The following PKIB variants were observed in gnomAD, a reference collection of about 807,000 sequenced individuals.
The protein encoded by PKIB is PKI-beta.
Under a neutral mutation model 4.5 loss-of-function variants are expected in PKIB, and 2 were observed. That is an observed-to-expected ratio of 0.44 (90% CI 0.18 to 1.39). PKIB has a LOEUF of 1.39. Among genes scored for constraint, PKIB ranks in the 40% most tolerant of loss-of-function variants. The probability of loss-of-function intolerance (pLI) is 0.27; values close to 1 mark genes in which losing one functional copy is unlikely to be tolerated. For synonymous variants in PKIB, 38 were observed against 36.0 expected (o/e 1.06, Z -0.20); for missense variants, 94 against 92.6 (o/e 1.02, Z -0.06).
chr6:122,703,789 T>C lies in PKIB; in HGVS notation c.-8-13998T>C, dbSNP rs1029180316. On this transcript the variant is annotated intron_variant, in intron 3 of 4. Coordinates refer to ENST00000368452, the MANE Select transcript of PKIB (RefSeq NM_181795.3). ...ATATATACATACACACACATATATA[T>C]ACATATATGTATATATGTATATATG... Among the ~76,000 whole-genome samples the C allele has an allele frequency of 2.0e-5, 3 of 150,448 alleles. No individual in the cohort carries two copies. In the Admixed American group the frequency reaches 2.0e-4, roughly 10 times the overall value.
chr6:122,481,667 T>C (rs1361513903), intron 2 of PKIB: 1 of 151,820 alleles, frequency 6.6e-6, no homozygotes, highest in East Asian at 1.9e-4. Flanking sequence ...ACAGTATGTA[T>C]GTGTGTGTGT....
intron 2 of PKIB, chr6:122,585,495 G>A (rs1011727855): frequency 6.6e-6 from 1 of 152,086 alleles, no homozygotes; most frequent in African/African-American, 2.4e-5. Flanking sequence ...TGGAATAGAG[G>A]TCTCACAAGG....
chr6:122,557,747 G>A (rs907952800), intron 2 of PKIB, among the ~76,000 whole-genome samples: 6 of 152,182 alleles, frequency 3.9e-5, no homozygotes, highest in African/African-American at 1.4e-4. Context: ...TTGATGGGTA[G>A]ATGTGCTGTC....
intron 2 of PKIB, among the ~76,000 whole-genome samples, chr6:122,573,756 T>C (rs1773443683): frequency 6.6e-6 from 1 of 151,986 alleles, no homozygotes; most frequent in Non-Finnish European, 1.5e-5. Flanking sequence ...AAAATAGGCA[T>C]AGAAAGGATT....
At chr6:122,710,494 A>T (rs1779231025) in intron 3 of PKIB, among the ~76,000 whole-genome samples, 1 of 152,176 alleles carries the variant, frequency 6.6e-6, no homozygotes, top group South Asian at 2.1e-4. Context: ...ATCTAAGAAT[A>T]CTTTGTGTAC....
intron 2 of PKIB, chr6:122,581,969 T>A (rs1438809662): frequency 6.6e-6 from 1 of 152,096 alleles, no homozygotes; most frequent in African/African-American, 2.4e-5. Flanking sequence ...GGATATGACA[T>A]CATTTTAATT....
intron 2 of PKIB, among the ~76,000 whole-genome samples, chr6:122,583,130 G>A (rs967726773): frequency 6.6e-6 from 1 of 151,542 alleles, no homozygotes; most frequent in Non-Finnish European, 1.5e-5. Flanking sequence ...TGATTTCATT[G>A]TATAATACAC....
At chr6:122,503,239 A>G (rs1288671223) in intron 2 of PKIB, among the ~76,000 whole-genome samples, 2 of 152,216 alleles carry the variant, frequency 1.3e-5, no homozygotes, top group African/African-American at 2.4e-5. Flanking sequence ...ATGAACATTC[A>G]GTACATAACA....
intron 2 of PKIB, among the ~76,000 whole-genome samples, chr6:122,517,543 A>G (rs576570402): frequency 1.3e-5 from 2 of 152,316 alleles, no homozygotes; most frequent in South Asian, 4.1e-4. Flanking sequence ...TCTCATAATT[A>G]TTCAGAGACA....
In PKIB at chr6:122,528,085, A is replaced by G. The variant is rs775013216; in HGVS notation, c.-248+50146A>G. ...TGGTGCATAAATACTTATGATTATT[A>G]TGTCTTTCTGGAAAAGTTACTCTTT... On this transcript the variant is annotated intron_variant, in intron 2 of 6. Transcript: ENST00000392491. 1.5e-3 allele frequency among the ~76,000 whole-genome samples: 229 copies of G among 152,202 alleles called. 3 individuals are homozygous for G. Among genetic ancestry groups the G allele is most frequent in the Non-Finnish European group, 2.5e-3 (168 of 67,992 alleles).
intron 2 of PKIB, among the ~76,000 whole-genome samples, chr6:122,573,088 TAA>T (rs1174762716): frequency 1.3e-5 from 2 of 152,000 alleles, no homozygotes; most frequent in Non-Finnish European, 2.9e-5. Flanking sequence ...TTCGAAAAGA[TAA>T]AGAGGGAATC....
intron 1 of PKIB, among the ~76,000 whole-genome samples, chr6:122,628,332 C>T (rs576064260): frequency 2.8e-4 from 42 of 151,416 alleles, no homozygotes; most frequent in Non-Finnish European, 5.3e-4. Flanking sequence ...CCACCGCGCC[C>T]GGCCTCCAGT....
chr6:122,485,987 G>T (rs1775755093), intron 2 of PKIB, among the ~76,000 whole-genome samples: 1 of 152,032 alleles, frequency 6.6e-6, no homozygotes, highest in Non-Finnish European at 1.5e-5. Flanking sequence ...CCAGTTGATT[G>T]TTTCTTTCTA....
At chr6:122,568,122 A>G (rs1468145031) in intron 2 of PKIB, among the ~76,000 whole-genome samples, 1 of 152,124 alleles carries the variant, frequency 6.6e-6, no homozygotes, top group African/African-American at 2.4e-5. Flanking sequence ...GTCTTTTATC[A>G]CAAACAACAT....
At chr6:122,592,976 C>T (rs191201930) in intron 3 of PKIB, among the ~76,000 whole-genome samples, 232 of 152,230 alleles carry the variant, frequency 1.5e-3, no homozygotes, top group Middle Eastern at 6.8e-3. Flanking sequence ...GGTCAAGTAA[C>T]GTTAACATTT....
intron 1 of PKIB, among the ~76,000 whole-genome samples, chr6:122,621,854 G>A (rs1011630875): frequency 1.3e-5 from 2 of 152,168 alleles, no homozygotes; most frequent in Non-Finnish European, 2.9e-5. Flanking sequence ...CAGAGCACAT[G>A]TCTCTTCCTC....
chr6:122,656,795 A>G (rs963921566), intron 2 of PKIB, among the ~76,000 whole-genome samples: 2 of 152,220 alleles, frequency 1.3e-5, no homozygotes, highest in African/African-American at 2.4e-5. Flanking sequence ...AAGACCACCA[A>G]TGATCCATAT....
At chr6:122,618,591 T>C (rs2114781460) in intron 1 of PKIB, among the ~76,000 whole-genome samples, 1 of 152,228 alleles carries the variant, frequency 6.6e-6, no homozygotes, top group East Asian at 1.9e-4. Context: ...AAATTATTCT[T>C]TGCATACACA....
chr6:122,584,733 A>G (rs1773801843), intron 2 of PKIB, among the ~76,000 whole-genome samples: 1 of 152,114 alleles, frequency 6.6e-6, no homozygotes, highest in East Asian at 1.9e-4. Context: ...CTAAGTATGA[A>G]TTGTCTGTTT....
Sources: allele counts gnomAD v4.1 joint callset (sites outside exome capture counted in the v4.1 genomes callset), GRCh38; gene constraint gnomAD v4.1.1; transcripts MANE v1.5; gene names NCBI Gene and HGNC (gene_info 2026-07-23, HGNC 2026-07-21).